Variants in PIAS1 observed in about 807,000 individuals in gnomAD.
PIAS1 encodes the protein protein inhibitor of activated STAT 1.
Under a neutral mutation model 71.3 loss-of-function variants are expected in PIAS1, and 6 were observed. The ratio of observed to expected loss-of-function variants is 0.08; its 90% CI spans 0.05 to 0.17. The LOEUF is 0.17. Ranked by LOEUF, PIAS1 falls within the 10% of genes least tolerant of loss-of-function variation. PIAS1 has a pLI of 1.00. For synonymous variants in PIAS1, 303 were observed against 292.9 expected, an observed-to-expected ratio of 1.03 and a Z score of -0.35; for missense variants, 555 against 793.6, an observed-to-expected ratio of 0.70 and a Z score of 3.61.
At chr15:68,078,430 C>T (rs551843673) in intron 1 of PIAS1, among the ~76,000 whole-genome samples, 5 of 152,156 alleles carry the variant, frequency 3.3e-5, no homozygotes, top group African/African-American at 4.8e-5. Flanking sequence ...GTGGTTACTT[C>T]GGTAACTTCC....
intron 2 of PIAS1, among the ~76,000 whole-genome samples, chr15:68,114,096 G>A (rs1461576677): frequency 1.3e-5 from 2 of 150,466 alleles, no homozygotes; most frequent in Non-Finnish European, 3.0e-5. Flanking sequence ...TTTTGTATAA[G>A]GTATAAAAAG....
At position 68,086,634 on chromosome 15, in the gene PIAS1, A is replaced by G. The variant is rs745678302; in HGVS notation, c.353A>G (p.His118Arg). 4.3e-6 allele frequency: 7 copies of G among 1,613,322 alleles called. No homozygotes were observed. The East Asian group carries it at 6.7e-5, about 15-fold the overall frequency. The change falls in exon 2 of 14, where the codon CAT becomes CGT. Residue 118 changes from histidine (H) to arginine (R), a missense_variant. Coordinates refer to ENST00000249636, the MANE Select transcript of PIAS1 (RefSeq NM_016166.3). The surrounding 1 kb of genome is among the most constrained non-coding windows in gnomAD (Gnocchi z 7.2). ...CCTGTTTCTCTTCTGGGACCTAAACATGAACTGGAACTCCCACATCTTACA... is the reference window on the plus strand; with the variant it reads ...CCTGTTTCTCTTCTGGGACCTAAACGTGAACTGGAACTCCCACATCTTACA... ...LLPVSLLGPK[H>R]ELELPHLTSA... is the part of the protein sequence containing the mutation.
At chr15:68,162,546 A>C (rs1038581397) in intron 7 of PIAS1, among the ~76,000 whole-genome samples, 2 of 152,162 alleles carry the variant, frequency 1.3e-5, no homozygotes, top group Admixed American at 6.5e-5. Flanking sequence ...TCACATGACT[A>C]TGAAGGCTGA....
At position 68,174,328 on chromosome 15, in the gene PIAS1, G is replaced by C. The variant is rs1350173710; in HGVS notation, c.1169+436G>C. On this transcript the variant is annotated intron_variant, in intron 9 of 13. Coordinates refer to ENST00000249636, the MANE Select transcript of PIAS1 (RefSeq NM_016166.3). The surrounding 1 kb of genome is among the most constrained non-coding windows in gnomAD (Gnocchi z 4.0). ...TTTCTGGAGATTAGATCCACCTTCA[G>C]TCATGGTCTTCTTTTTCTTTTTTGT... Among the ~76,000 whole-genome samples, 4 of 152,214 alleles carry C rather than the reference G, an allele frequency of 2.6e-5. No individual in the cohort carries two copies. The highest frequency in any genetic ancestry group is 4.4e-5 in the Non-Finnish European group (3 of 68,038).
chr15:68,150,060 A>G (rs999386845), intron 6 of PIAS1, among the ~76,000 whole-genome samples: 1 of 151,938 alleles, frequency 6.6e-6, no homozygotes, highest in African/African-American at 2.4e-5. Flanking sequence ...TCTTTTTGAC[A>G]TCTCTCAGGG....
At chr15:68,134,743 G>A (rs1398256557) in intron 2 of PIAS1, among the ~76,000 whole-genome samples, 1 of 41,272 alleles carries the variant, frequency 2.4e-5, no homozygotes, top group African/African-American at 5.1e-5. Flanking sequence ...CCTCCCGGAC[G>A]GGGCGGCTGG....
chr15:68,176,564 T>C lies in PIAS1; in HGVS notation c.1391T>C (p.Ile464Thr), dbSNP rs1345748728. 2.5e-6 allele frequency: 4 copies of C among 1,613,238 alleles called. No individual in the cohort carries two copies. The highest frequency in any genetic ancestry group is 3.4e-6 in the Non-Finnish European group (4 of 1,179,510). Reference sequence around the variant, plus strand: ...AAAGTAGAAGTGATTGACCTAACCATAGACAGTTCATCTGATGAAGAGGAA... The same window carrying C: ...AAAGTAGAAGTGATTGACCTAACCACAGACAGTTCATCTGATGAAGAGGAA... ...NKKVEVIDLT[I>T]DSSSDEEEEE... Residue 464 changes from isoleucine to threonine, a missense_variant, in exon 11 of 14, where the codon ATA becomes ACA. This residue lies in a region of PIAS1 where 244 missense variants were observed against 307.5 expected (regional missense o/e 0.79). Transcript: ENST00000249636.
chr15:68,111,266 A>C (rs2092520880), intron 2 of PIAS1, among the ~76,000 whole-genome samples: 1 of 152,104 alleles, frequency 6.6e-6, no homozygotes, highest in Admixed American at 6.6e-5. Context: ...CTGTGGTCAG[A>C]GGTAAGGGTT....
chr15:68,151,380 A>G (rs954843989), intron 6 of PIAS1, among the ~76,000 whole-genome samples: 4 of 152,066 alleles, frequency 2.6e-5, no homozygotes, highest in Admixed American at 2.0e-4. Context: ...TTAAATATTT[A>G]TATAAAGCCT....
intron 1 of PIAS1, among the ~76,000 whole-genome samples, chr15:68,078,658 C>T (rs1179552121): frequency 6.6e-6 from 1 of 152,144 alleles, no homozygotes; most frequent in African/African-American, 2.4e-5. Context: ...GATTTGAGCC[C>T]TATCTCCATC....
intron 2 of PIAS1, among the ~76,000 whole-genome samples, chr15:68,101,666 A>G (rs1055743427): frequency 6.6e-6 from 1 of 152,058 alleles, no homozygotes; most frequent in Admixed American, 6.6e-5. Context: ...TACATAGAAC[A>G]AAATGTTTAA....
chr15:68,069,330 C>CTAA (rs1205570790), intron 1 of PIAS1, among the ~76,000 whole-genome samples: 5 of 152,150 alleles, frequency 3.3e-5, no homozygotes, highest in African/African-American at 4.8e-5. Context: ...AAGCATTCTC[C>CTAA]CTTACGCTCC....
chr15:68,161,619 A>G (rs1181563319), intron 7 of PIAS1, among the ~76,000 whole-genome samples: 1 of 152,088 alleles, frequency 6.6e-6, no homozygotes, highest in Non-Finnish European at 1.5e-5. Flanking sequence ...TTTATTGAGA[A>G]TAATATTAGG....
chr15:68,187,505 A>G lies in PIAS1; in HGVS notation c.1663-37A>G, dbSNP rs151068812. 2.6e-4 allele frequency: 417 copies of G among 1,576,084 alleles called. 1 individual carries two copies. The African/African-American group carries it at 3.6e-3, about 14-fold the overall frequency. ...AGAAAATATATTAATTTGGAAGTAT[A>G]ATTAACATTTTTGTGTCTTTTGTTT... is the stretch of plus-strand genomic sequence containing the variant. On this transcript the variant is annotated intron_variant, in intron 13 of 13. Transcript: ENST00000249636. The surrounding 1 kb of genome is among the most constrained non-coding windows in gnomAD (Gnocchi z 5.3).
chr15:68,156,211 C>T (rs1038884521), intron 7 of PIAS1, among the ~76,000 whole-genome samples: 1 of 152,158 alleles, frequency 6.6e-6, no homozygotes, highest in Admixed American at 6.5e-5. Context: ...TAAATAATTG[C>T]ACAAGTCATT....
rs577994432 is a variant in PIAS1 at position 68,088,827 on chromosome 15, C to T, written c.469+2077C>T. ...TGTACTTCATTAAATGAAGTGGCTA[C>T]ATTTGTCACATAACTTAGTTTCCTA... is the stretch of plus-strand genomic sequence containing the variant. On this transcript the variant is annotated intron_variant, in intron 2 of 13. Transcript: ENST00000249636. Among the ~76,000 whole-genome samples, 3 of 152,266 alleles carry T rather than the reference C, an allele frequency of 2.0e-5. No individual in the cohort carries two copies. The East Asian group carries it at 5.8e-4, about 29-fold the overall frequency.
chr15:68,133,029 T>G (rs1325531820), intron 2 of PIAS1, among the ~76,000 whole-genome samples: 3 of 151,930 alleles, frequency 2.0e-5, no homozygotes, highest in Non-Finnish European at 4.4e-5. Context: ...TATTATTACT[T>G]CCTCTCTTAC....
In PIAS1 at chr15:68,173,649, C is replaced by A; in HGVS notation, c.1009-83C>A. ...GTATGCTTTAAATCAGCATGCCTAC[C>A]TGTTGTGTTCTAGGAAATTTTTGTC... On this transcript the variant is annotated intron_variant, in intron 8 of 13. Transcript: ENST00000249636. The surrounding 1 kb of genome is among the most constrained non-coding windows in gnomAD (Gnocchi z 4.3). The A allele has an allele frequency of 1.1e-6, 1 of 893,482 alleles. No homozygotes were observed. Among genetic ancestry groups the A allele is most frequent in the Non-Finnish European group, 1.6e-6 (1 of 617,102 alleles). 55.3% of individuals were successfully genotyped at this position (893,482 alleles called of 1,614,324 possible).
intron 7 of PIAS1, among the ~76,000 whole-genome samples, chr15:68,162,242 A>G (rs1331445077): frequency 6.6e-6 from 1 of 151,988 alleles, no homozygotes; most frequent in East Asian, 1.9e-4. Context: ...ATTTCAATTT[A>G]TTTTCTAAGC....
Sources: allele counts gnomAD v4.1 joint callset (sites outside exome capture counted in the v4.1 genomes callset), GRCh38; gene constraint gnomAD v4.1.1; regional missense constraint gnomAD v4.1.1; non-coding constraint Gnocchi (gnomAD v3.1); transcripts MANE v1.5; gene names NCBI Gene and HGNC (gene_info 2026-07-23, HGNC 2026-07-21).